Variants in HPSE2 observed in about 807,000 individuals in gnomAD.
HPSE2 encodes inactive heparanase-2.
In HPSE2, 38 loss-of-function variants were observed where a neutral mutation model predicts 60.5. The observed-to-expected ratio is 0.63, with a 90% CI of 0.48 to 0.82. The LOEUF (loss-of-function observed/expected upper bound fraction) is 0.82, where lower values mean the gene tolerates loss of function less well. HPSE2 is among the 40% of genes least tolerant of loss of function. HPSE2 has a pLI of 0.00. For missense variants in HPSE2, 713 were observed against 740.4 expected, an observed-to-expected ratio of 0.96 and a Z score of 0.43; for synonymous variants, 295 against 293.2, an observed-to-expected ratio of 1.01 and a Z score of -0.06.
chr10:98,954,021 G>T, intron 3 of HPSE2, among the ~76,000 whole-genome samples: 1 of 152,154 alleles, frequency 6.6e-6, no homozygotes. Flanking sequence ...AGAGCACTAA[G>T]TTGGCCGGAT....
At chr10:99,020,564 T>G (rs1348156259) in intron 3 of HPSE2, among the ~76,000 whole-genome samples, 1 of 152,226 alleles carries the variant, frequency 6.6e-6, no homozygotes, top group African/African-American at 2.4e-5. Context: ...TTTCCAAGTT[T>G]TTTACCTCCT....
chr10:98,592,154 C>T (rs896643279), intron 9 of HPSE2, among the ~76,000 whole-genome samples: 2 of 152,160 alleles, frequency 1.3e-5, no homozygotes, highest in African/African-American at 4.8e-5. Flanking sequence ...TCATTCATTT[C>T]CTTGAGTTAC....
intron 5 of HPSE2, among the ~76,000 whole-genome samples, chr10:98,703,448 C>T (rs1323012826): frequency 6.7e-6 from 1 of 148,984 alleles, no homozygotes; most frequent in Admixed American, 6.9e-5. Context: ...CAGCATCATC[C>T]TGATACCAGA....
chr10:98,973,671 A>C (rs927715564), intron 3 of HPSE2, among the ~76,000 whole-genome samples: 2 of 152,220 alleles, frequency 1.3e-5, no homozygotes, highest in African/African-American at 4.8e-5. Flanking sequence ...GGTAAATCTT[A>C]AGTTTACCCT....
At chr10:99,013,978 G>T in intron 3 of HPSE2, 1 of 372,740 alleles carries the variant, frequency 2.7e-6, no homozygotes, top group South Asian at 2.1e-5. Flanking sequence ...CCTGCCTCCA[G>T]ACACCCAGAC....
intron 9 of HPSE2, among the ~76,000 whole-genome samples, chr10:98,500,648 CA>C (rs1941999683): frequency 6.6e-6 from 1 of 151,906 alleles, no homozygotes; most frequent in East Asian, 1.9e-4. Flanking sequence ...AACCCAAACC[CA>C]AAAGAAGAAA....
At chr10:98,543,365 T>C (rs1402865245) in intron 9 of HPSE2, among the ~76,000 whole-genome samples, 2 of 152,124 alleles carry the variant, frequency 1.3e-5, no homozygotes, top group Non-Finnish European at 2.9e-5. Context: ...TACCAGCCGC[T>C]GCAAAATCAT....
chr10:98,936,254 C>A (rs1954786647), intron 3 of HPSE2, among the ~76,000 whole-genome samples: 1 of 144,050 alleles, frequency 6.9e-6, no homozygotes, highest in East Asian at 2.0e-4. Flanking sequence ...GGGAGTGGGA[C>A]CCACTGAGCA....
chr10:98,611,883 G>C (rs989780011), intron 9 of HPSE2, among the ~76,000 whole-genome samples: 1 of 152,212 alleles, frequency 6.6e-6, no homozygotes, highest in African/African-American at 2.4e-5. Flanking sequence ...TCTTTGTGCT[G>C]AATCAGTGGA....
At chr10:98,520,823 A>C (rs1942766271) in intron 9 of HPSE2, among the ~76,000 whole-genome samples, 1 of 152,234 alleles carries the variant, frequency 6.6e-6, no homozygotes, top group African/African-American at 2.4e-5. Flanking sequence ...CAGAGCCCTC[A>C]GAAATAACAC....
chr10:98,462,846 C>T (rs914265929), intron 11 of HPSE2, among the ~76,000 whole-genome samples: 2 of 152,146 alleles, frequency 1.3e-5, no homozygotes, highest in Non-Finnish European at 2.9e-5. Context: ...TATCTCTACC[C>T]TACCTACATT....
chr10:98,994,700 G>A (rs1238141394), intron 3 of HPSE2, among the ~76,000 whole-genome samples: 1 of 152,150 alleles, frequency 6.6e-6, no homozygotes, highest in African/African-American at 2.4e-5. Flanking sequence ...TTGGTGATGG[G>A]ACCAGAGACG....
chr10:99,017,315 G>T (rs935512301), intron 3 of HPSE2, among the ~76,000 whole-genome samples: 1 of 152,156 alleles, frequency 6.6e-6, no homozygotes, highest in Non-Finnish European at 1.5e-5. Context: ...CTGTTTATGT[G>T]GTGAGTCATG....
intron 3 of HPSE2, among the ~76,000 whole-genome samples, chr10:98,957,827 C>A (rs1024757843): frequency 7.2e-5 from 11 of 152,146 alleles, no homozygotes; most frequent in Non-Finnish European, 2.9e-5. Flanking sequence ...ACACATCAGT[C>A]AAGTAATATA....
At chr10:98,515,975 G>T (rs1311519021) in intron 9 of HPSE2, among the ~76,000 whole-genome samples, 3 of 152,120 alleles carry the variant, frequency 2.0e-5, no homozygotes, top group Non-Finnish European at 4.4e-5. Flanking sequence ...CCAGGTTAGG[G>T]TTTCTTTTGT....
At chr10:99,253,812 A>T in the HPSE2 span, among the ~76,000 whole-genome samples, 11 of 152,210 alleles carry the variant, frequency 7.2e-5, no homozygotes, top group African/African-American at 2.2e-4. Flanking sequence ...ATGAACAGAC[A>T]CTTCTCAAAA....
intron 3 of HPSE2, among the ~76,000 whole-genome samples, chr10:99,072,290 A>G (rs562519184): frequency 6.6e-6 from 1 of 152,312 alleles, no homozygotes; most frequent in South Asian, 2.1e-4. Context: ...TAAAGCAAAA[A>G]TTGACAAATC....
At chr10:99,141,804 G>T (rs1348439363) in intron 3 of HPSE2, among the ~76,000 whole-genome samples, 2 of 152,196 alleles carry the variant, frequency 1.3e-5, no homozygotes, top group Non-Finnish European at 2.9e-5. Flanking sequence ...GGACTTGCTT[G>T]TGAGGTGGAA....
At chr10:98,490,012 C>T (rs1214492616) in intron 10 of HPSE2, 39 bp downstream of exon 10, 3 of 1,613,114 alleles carry the variant, frequency 1.9e-6, no homozygotes, top group East Asian at 2.2e-5. Context: ...GGGTGGGAGC[C>T]CCTCAGGTGG....
Sources: allele counts gnomAD v4.1 joint callset (sites outside exome capture counted in the v4.1 genomes callset), GRCh38; gene constraint gnomAD v4.1.1; transcripts MANE v1.5; gene names NCBI Gene and HGNC (gene_info 2026-07-23, HGNC 2026-07-21).